Variants in TRIO observed in about 807,000 individuals in gnomAD.
TRIO encodes trio Rho guanine nucleotide exchange factor.
In TRIO, 58 loss-of-function variants were observed where a neutral mutation model predicts 351.9. That is an observed-to-expected ratio of 0.16 (90% CI 0.13 to 0.21). TRIO has a LOEUF of 0.21. TRIO is among the 10% of genes least tolerant of loss of function. TRIO has a pLI of 1.00. For missense variants in TRIO, 3,201 were observed against 4,027.8 expected, an observed-to-expected ratio of 0.79 and a Z score of 5.56; for synonymous variants, 1,758 against 1,595.7, an observed-to-expected ratio of 1.10 and a Z score of -2.42.
intron 21 of TRIO, among the ~76,000 whole-genome samples, chr5:14,385,125 G>C (rs1746425731): frequency 6.6e-6 from 1 of 152,310 alleles, no homozygotes; most frequent in South Asian, 2.1e-4. Context: ...CGTTGCTGGG[G>C]GAGTGGAGCA....
chr5:14,376,186 G>GTT (rs1433355431), intron 19 of TRIO, among the ~76,000 whole-genome samples: 1 of 152,196 alleles, frequency 6.6e-6, no homozygotes, highest in Non-Finnish European at 1.5e-5. Context: ...TAGGAACTCA[G>GTT]TAAGTATTTG....
chr5:14,445,976 C>T (rs796236237), intron 34 of TRIO, among the ~76,000 whole-genome samples: 11 of 152,360 alleles, frequency 7.2e-5, no homozygotes, highest in African/African-American at 1.7e-4. Context: ...TTCCCACTGT[C>T]GCCTCCGGTC....
chr5:14,207,681 C>T (rs886215495), intron 1 of TRIO, among the ~76,000 whole-genome samples: 2 of 151,980 alleles, frequency 1.3e-5, no homozygotes, highest in African/African-American at 2.4e-5. Flanking sequence ...TACTCAACTC[C>T]ACCCTGGGCA....
chr5:14,346,650 A>T (rs987321900), intron 11 of TRIO, among the ~76,000 whole-genome samples: 1 of 152,228 alleles, frequency 6.6e-6, no homozygotes, highest in Admixed American at 6.5e-5. Flanking sequence ...ATAATGTGTT[A>T]ACTTTATTTT....
chr5:14,341,266 T>C (rs763492639), intron 11 of TRIO, among the ~76,000 whole-genome samples: 2 of 152,230 alleles, frequency 1.3e-5, no homozygotes, highest in Non-Finnish European at 2.9e-5. Context: ...TTTTCACTGT[T>C]TATTTGTTCA....
In TRIO at chr5:14,401,059, C is replaced by T; in HGVS notation, c.4711C>T (p.Leu1571Phe). The T allele has an allele frequency of 1.2e-6, 2 of 1,613,438 alleles. No individual in the cohort carries two copies. Among genetic ancestry groups the T allele is most frequent in the Non-Finnish European group, 8.5e-7 (1 of 1,179,654 alleles). The change falls in exon 31 of 57, where the codon CTT becomes TTT. Residue 1571 changes from leucine (L) to phenylalanine (F), a missense_variant. Leu to Phe is a conservative substitution (Grantham distance 22, BLOSUM62 0). Coordinates refer to ENST00000344204, the MANE Select transcript of TRIO (RefSeq NM_007118.4). ...ACCAACTTCAGATAATAAAATTGTC[C>T]TTAAGGTACGTTCATTTGAAGCTGG... ...RTPTSDNKIV[L>F]KASSIENKQD...
At chr5:14,212,211 G>A (rs1318984250) in intron 1 of TRIO, among the ~76,000 whole-genome samples, 1 of 152,126 alleles carries the variant, frequency 6.6e-6, no homozygotes, top group Admixed American at 6.6e-5. Context: ...GAGTACTCAG[G>A]AAGGATAGAA....
In TRIO at chr5:14,497,731, GC is replaced by G. The variant is rs761462115; in HGVS notation, c.8020-113del. On this transcript the variant is annotated intron_variant, in intron 50 of 56. Transcript: ENST00000344204. This position sits in a 1 kb window ranked among gnomAD's most constrained non-coding sequence, Gnocchi z 4.4. Reference sequence around the variant, plus strand: ...GAAAATGTGGTCTGTTTTGATTGATGCCCAGGCAAGTCAGTTTCTGCAAATC... The same window carrying G: ...GAAAATGTGGTCTGTTTTGATTGATGCCAGGCAAGTCAGTTTCTGCAAATC... 33 of 1,353,772 alleles carry G rather than the reference GC, an allele frequency of 2.4e-5. No individual in the cohort carries two copies. Among genetic ancestry groups the G allele is most frequent in the Middle Eastern group, 1.8e-4 (1 of 5,520 alleles). The allele number at this position is 1,353,772 out of a possible 1,614,324, so 83.9% of individuals were successfully genotyped here.
At chr5:14,400,913 C>A in intron 30 of TRIO, 50 bp from the exon 31 acceptor site, 2 of 1,567,756 alleles carry the variant, frequency 1.3e-6, no homozygotes, top group South Asian at 2.3e-5. Context: ...TGTTCTGCAT[C>A]CTTCTAGAAT....
chr5:14,446,804 G>A (rs1178886225), intron 34 of TRIO, among the ~76,000 whole-genome samples: 1 of 152,160 alleles, frequency 6.6e-6, no homozygotes, highest in African/African-American at 2.4e-5. Context: ...ATAATATAAT[G>A]TACTAGATAT....
intron 21 of TRIO, among the ~76,000 whole-genome samples, chr5:14,382,170 T>C (rs1469819419): frequency 1.3e-5 from 2 of 152,246 alleles, no homozygotes; most frequent in Admixed American, 1.3e-4. Flanking sequence ...TGGGATAATA[T>C]TTTTGGTTAA....
rs376888872 is a variant in TRIO at position 14,472,688 on chromosome 5, G to T, written c.5979+30G>T. 1.3e-5 allele frequency: 21 copies of T among 1,610,950 alleles called. No homozygotes were observed. In the Admixed American group the frequency reaches 2.3e-4, roughly 18 times the overall value. ...GTATTGCCAGAAATTTAGTATCTTC[G>T]TATCAGTTCCAAGAGTTGTCAAAAG... On this transcript the variant is annotated intron_variant, in intron 39 of 56. Transcript: ENST00000344204.
intron 1 of TRIO, among the ~76,000 whole-genome samples, chr5:14,144,580 C>T (rs1159908691): frequency 6.6e-6 from 1 of 152,068 alleles, no homozygotes; most frequent in African/African-American, 2.4e-5. Flanking sequence ...GGGAACGTGG[C>T]CCCGGGGGGG....
At chr5:14,192,681 T>C (rs1265936220) in intron 1 of TRIO, among the ~76,000 whole-genome samples, 1 of 152,194 alleles carries the variant, frequency 6.6e-6, no homozygotes, top group Non-Finnish European at 1.5e-5. Context: ...AGGTCAAGAA[T>C]ACAAGAGAGG....
chr5:14,436,792 G>C (rs773589859), intron 34 of TRIO, among the ~76,000 whole-genome samples: 2 of 152,186 alleles, frequency 1.3e-5, no homozygotes, highest in Non-Finnish European at 2.9e-5. Flanking sequence ...TCACATCCAG[G>C]TCACGCTGAT....
At chr5:14,455,817 C>A (rs996167470) in intron 34 of TRIO, among the ~76,000 whole-genome samples, 3 of 152,272 alleles carry the variant, frequency 2.0e-5, no homozygotes, top group African/African-American at 7.2e-5. Flanking sequence ...GACTCAGGAG[C>A]CCAGCTGGCT....
At chr5:14,377,978 G>A in intron 19 of TRIO, 34 bp from the exon 20 acceptor site, 1 of 1,526,358 alleles carries the variant, frequency 6.6e-7, no homozygotes, top group Non-Finnish European at 9.0e-7. Flanking sequence ...TTGATTGCAA[G>A]CACCAACATA....
intron 4 of TRIO, among the ~76,000 whole-genome samples, chr5:14,288,708 A>G (rs1344705173): frequency 2.0e-5 from 3 of 150,738 alleles, no homozygotes; most frequent in East Asian, 1.9e-4. Flanking sequence ...GAATGGGCCT[A>G]TGGTAGGATT....
chr5:14,291,576 G>T (rs1736906640), intron 5 of TRIO, among the ~76,000 whole-genome samples: 1 of 151,752 alleles, frequency 6.6e-6, no homozygotes, highest in Admixed American at 6.6e-5. Flanking sequence ...ATCACCTGAG[G>T]TCAGGAGATT....
Sources: allele counts gnomAD v4.1 joint callset (sites outside exome capture counted in the v4.1 genomes callset), GRCh38; gene constraint gnomAD v4.1.1; non-coding constraint Gnocchi (gnomAD v3.1); transcripts MANE v1.5; gene names NCBI Gene and HGNC (gene_info 2026-07-23, HGNC 2026-07-21).